The following PLPP3 variants were observed in gnomAD, a reference collection of about 807,000 sequenced individuals.
PLPP3 encodes phospholipid phosphatase 3, also known as PAP2 beta.
Under a neutral mutation model 29.6 loss-of-function variants are expected in PLPP3, and 6 were observed. That is an observed-to-expected ratio of 0.20 (90% CI 0.11 to 0.40). The LOEUF is 0.40. PLPP3 is among the 10% of genes least tolerant of loss of function. The pLI is 1.00. For missense variants in PLPP3, 308 were observed against 407.7 expected, an observed-to-expected ratio of 0.76 and a Z score of 2.11; for synonymous variants, 152 against 159.7, an observed-to-expected ratio of 0.95 and a Z score of 0.36.
intron 4 of PLPP3, chr1:56,512,431 G>A: frequency 3.4e-6 from 1 of 297,898 alleles, no homozygotes. Context: ...GGCCAACATA[G>A]TGAAACCTCA....
At chr1:56,543,551 G>A (rs1292408804) in intron 1 of PLPP3, among the ~76,000 whole-genome samples, 2 of 152,282 alleles carry the variant, frequency 1.3e-5, no homozygotes, top group East Asian at 3.9e-4. Context: ...AAATATTTAT[G>A]TTGCTTGTAA....
intron 1 of PLPP3, among the ~76,000 whole-genome samples, chr1:56,543,230 A>G (rs1645982004): frequency 6.6e-6 from 1 of 152,146 alleles, no homozygotes; most frequent in African/African-American, 2.4e-5. Context: ...GAAGGAGTTT[A>G]GACTTTAGGA....
chr1:56,569,281 T>C (rs934785886), intron 1 of PLPP3, among the ~76,000 whole-genome samples: 3 of 152,034 alleles, frequency 2.0e-5, no homozygotes, highest in Non-Finnish European at 4.4e-5. Context: ...CAAGTGATTC[T>C]CCTGCCTCAG....
intron 1 of PLPP3, chr1:56,538,634 C>T (rs538036004): frequency 3.0e-6 from 1 of 333,750 alleles, no homozygotes; most frequent in South Asian, 3.2e-5. Flanking sequence ...CATGGCTAAA[C>T]TGGAAGAGTC....
chr1:56,565,229 T>C (rs1646153434), intron 1 of PLPP3, among the ~76,000 whole-genome samples: 1 of 152,126 alleles, frequency 6.6e-6, no homozygotes. Context: ...TGGTAGAAGT[T>C]CCATGTACTG....
rs762276903 is a variant in PLPP3 at position 56,579,050 on chromosome 1, G to A, written c.-34C>T. The A allele has an allele frequency of 2.5e-6, 4 of 1,574,010 alleles. No individual in the cohort carries two copies. The highest frequency in any genetic ancestry group is 1.7e-4 in the Middle Eastern group (1 of 5,964). Reference sequence around the variant, plus strand: ...CTGCGGCGCGAGCCTCCCGCCCCGCGAAGACGTCCCGCAACAGCAGCCACA... The same window carrying A: ...CTGCGGCGCGAGCCTCCCGCCCCGCAAAGACGTCCCGCAACAGCAGCCACA... On this transcript the variant is annotated 5_prime_UTR_variant, in exon 1 of 6. Transcript: ENST00000371250.
intron 1 of PLPP3, among the ~76,000 whole-genome samples, chr1:56,570,527 T>C (rs1388158575): frequency 6.6e-6 from 1 of 152,216 alleles, no homozygotes; most frequent in African/African-American, 2.4e-5. Context: ...TTTGGTTTGT[T>C]TTAAATTTGG....
At chr1:56,546,427 C>A (rs1455889654) in intron 1 of PLPP3, among the ~76,000 whole-genome samples, 2 of 152,104 alleles carry the variant, frequency 1.3e-5, no homozygotes, top group African/African-American at 2.4e-5. Context: ...ATAGAAATAA[C>A]TCTTGATGCC....
At chr1:56,529,233 CAAG>C (rs2100256137) in intron 2 of PLPP3, among the ~76,000 whole-genome samples, 1 of 152,236 alleles carries the variant, frequency 6.6e-6, no homozygotes, top group Admixed American at 6.5e-5. Context: ...AATGAGACAG[CAAG>C]AAGACCATCA....
intron 1 of PLPP3, among the ~76,000 whole-genome samples, chr1:56,558,581 G>A (rs1284178302): frequency 1.3e-5 from 2 of 152,166 alleles, no homozygotes; most frequent in African/African-American, 2.4e-5. Context: ...TAAGGGTCAG[G>A]GTATATTCAT....
chr1:56,496,847 A>G (rs1645634404), intron 5 of PLPP3, among the ~76,000 whole-genome samples, 171 bp from the exon 6 acceptor site: 1 of 152,200 alleles, frequency 6.6e-6, no homozygotes, highest in South Asian at 2.1e-4. Context: ...TTGTACAGAT[A>G]GGGAAACTGA....
chr1:56,525,557 GAT>G (rs1457618236), intron 2 of PLPP3, among the ~76,000 whole-genome samples: 2 of 152,084 alleles, frequency 1.3e-5, no homozygotes, highest in Non-Finnish European at 2.9e-5. Context: ...TTACATTAAG[GAT>G]GGGGGACAGC....
At chr1:56,527,160 A>C (rs960332817) in intron 2 of PLPP3, among the ~76,000 whole-genome samples, 1 of 152,220 alleles carries the variant, frequency 6.6e-6, no homozygotes, top group Non-Finnish European at 1.5e-5. Context: ...CCCATCTCTA[A>C]AACTTCCATT....
intron 1 of PLPP3, among the ~76,000 whole-genome samples, chr1:56,567,732 A>C (rs1646171046): frequency 6.6e-6 from 1 of 151,932 alleles, no homozygotes. Context: ...TGCAGCCTCA[A>C]CGGAAAACAG....
In PLPP3 at chr1:56,536,996, C is replaced by A. The variant is rs1557506920; in HGVS notation, c.256G>T (p.Ala86Ser). The change falls in exon 2 of 6, where the codon GCT (alanine) becomes TCT (serine). Residue 86 changes from alanine (A) to serine (S), a missense_variant. Transcript: ENST00000371250. ...ACGATCCCCACGGCACAGAGCACAG[C>A]GTCATTTATTGTCTCACCAGTTTTC... ...PLKTGETIND[A>S]VLCAVGIVIA... 3 of 1,613,782 alleles carry A rather than the reference C, an allele frequency of 1.9e-6. No homozygotes were observed. Among genetic ancestry groups the A allele is most frequent in the Non-Finnish European group, 1.7e-6 (2 of 1,179,840 alleles).
chr1:56,576,801 T>TATGCACACACATGCATGCATGCAC (rs1646238970), intron 1 of PLPP3, among the ~76,000 whole-genome samples: 8 of 152,178 alleles, frequency 5.3e-5, no homozygotes, highest in Admixed American at 5.2e-4. Flanking sequence ...GAAACATGCA[T>TATGCACACACATGCATGCATGCAC]ATGCACACAC....
chr1:56,545,953 G>T (rs979744442), intron 1 of PLPP3, among the ~76,000 whole-genome samples: 1 of 152,134 alleles, frequency 6.6e-6, no homozygotes, highest in African/African-American at 2.4e-5. Flanking sequence ...GCAATCCAAG[G>T]GCACTCCAGG....
intron 1 of PLPP3, among the ~76,000 whole-genome samples, chr1:56,566,476 G>A (rs1033557271): frequency 8.5e-5 from 13 of 152,136 alleles, no homozygotes; most frequent in South Asian, 6.2e-4. Context: ...ATAAGAGAAT[G>A]TATACACGCT....
intron 1 of PLPP3, among the ~76,000 whole-genome samples, chr1:56,537,409 C>T (rs116812381): frequency 5.9e-5 from 9 of 152,096 alleles, no homozygotes; most frequent in African/African-American, 1.9e-4. Context: ...TTCTACAATA[C>T]CCTGCTAAAA....
Sources: allele counts gnomAD v4.1 joint callset (sites outside exome capture counted in the v4.1 genomes callset), GRCh38; gene constraint gnomAD v4.1.1; transcripts MANE v1.5; gene names NCBI Gene and HGNC (gene_info 2026-07-23, HGNC 2026-07-21).